DMD: variants seen among roughly 807,000 people sequenced by gnomAD.
DMD encodes the protein dystrophin.
Under a neutral mutation model 330.1 loss-of-function variants are expected in DMD, and 63 were observed. The observed-to-expected ratio is 0.19, with a 90% CI of 0.16 to 0.24. The LOEUF is 0.24. Ranked by LOEUF, DMD falls within the 10% of genes least tolerant of loss-of-function variation. The probability of loss-of-function intolerance (pLI) is 1.00; values close to 1 mark genes in which losing one functional copy is unlikely to be tolerated. For synonymous variants in DMD, 1,223 were observed against 959.8 expected, an observed-to-expected ratio of 1.27 and a Z score of -5.07; for missense variants, 3,344 against 2,684.1, an observed-to-expected ratio of 1.25 and a Z score of -5.43.
At chrX:32,356,699 G>T (rs2097802219) in intron 37 of DMD, among the ~76,000 whole-genome samples, 1 of 111,087 alleles carries the variant, frequency 9.0e-6, no homozygotes, top group Admixed American at 9.6e-5. Context: ...GAACAGTGAA[G>T]TATATCTAAA....
chrX:32,363,079 A>G, intron 36 of DMD, 121 bp from the exon 37 acceptor site: 1 of 692,479 alleles, frequency 1.4e-6, no homozygotes, highest in South Asian at 2.5e-5. Flanking sequence ...AGAGAGAGAG[A>G]GAAAGTAAGA....
chrX:33,128,328 A>C, intron 1 of DMD: 1 of 1,028,836 alleles, frequency 9.7e-7, no homozygotes. Flanking sequence ...GACCAGCCTC[A>C]CAAAAGCAGA....
intron 7 of DMD, among the ~76,000 whole-genome samples, chrX:32,702,237 T>C (rs1173047533): frequency 1.8e-5 from 2 of 112,180 alleles, no homozygotes; most frequent in African/African-American, 6.5e-5. Flanking sequence ...GTTCCTCTAA[T>C]TGGCACAACC....
chrX:32,277,501 A>G (rs1166585147), intron 43 of DMD, among the ~76,000 whole-genome samples: 2 of 111,796 alleles, frequency 1.8e-5, no homozygotes, highest in Non-Finnish European at 3.8e-5. Context: ...ATTTAATTCA[A>G]TGAGTGTAGA....
chrX:32,047,281 T>C (rs2096070825), intron 44 of DMD, among the ~76,000 whole-genome samples: 1 of 111,577 alleles, frequency 9.0e-6, no homozygotes, highest in African/African-American at 3.2e-5. Flanking sequence ...TGGATATAGA[T>C]GATAAATAGA....
At chrX:32,780,706 A>T (rs1415270419) in intron 7 of DMD, among the ~76,000 whole-genome samples, 1 of 111,219 alleles carries the variant, frequency 9.0e-6, no homozygotes, top group Non-Finnish European at 1.9e-5. Flanking sequence ...TATCAGCTTG[A>T]TAACGTATCT....
intron 1 of DMD, among the ~76,000 whole-genome samples, chrX:33,153,964 A>C (rs1265009110): frequency 8.9e-6 from 1 of 112,708 alleles, no homozygotes; most frequent in African/African-American, 3.2e-5. Context: ...TGGCTAGTTT[A>C]TTTCTAAAGC....
At chrX:31,431,296 A>G (rs1019224741) in intron 60 of DMD, among the ~76,000 whole-genome samples, 10 of 112,231 alleles carry the variant, frequency 8.9e-5, no homozygotes, top group African/African-American at 3.2e-4. Context: ...GAGGAATGGA[A>G]TGCCAAAAGT....
chrX:32,965,800 T>A (rs1446615050), intron 2 of DMD, among the ~76,000 whole-genome samples: 2 of 111,985 alleles, frequency 1.8e-5, no homozygotes, highest in African/African-American at 6.5e-5. Context: ...AAATATGTCT[T>A]AAGTTATCCC....
intron 2 of DMD, among the ~76,000 whole-genome samples, chrX:32,953,695 T>C (rs2146961876): frequency 8.9e-6 from 1 of 112,402 alleles, no homozygotes; most frequent in East Asian, 2.8e-4. Flanking sequence ...AACAATTTTA[T>C]ATTGCCTTGA....
chrX:32,491,492 G>C lies in DMD; in HGVS notation c.2407C>G (p.Gln803Glu). Residue 803 changes from glutamine to glutamate, a missense_variant, in exon 20 of 79, where the codon CAA (glutamine) becomes GAA (glutamate). Transcript: ENST00000357033. The part of the protein sequence containing the change: ...NEGVNADSIK[Q>E]ASEQLNSRWI... ...CGGCTGTTCAGTTGTTCTGAGGCTT[G>C]TTTGATGCTATCTGCATTAACACCC... The C allele has an allele frequency of 2.5e-6, 3 of 1,210,333 alleles. No homozygotes were observed. The highest frequency in any genetic ancestry group is 3.5e-5 in the South Asian group (2 of 56,865).
intron 1 of DMD, among the ~76,000 whole-genome samples, chrX:33,338,489 A>AAAT (rs1267220514): frequency 9.1e-6 from 1 of 110,228 alleles, no homozygotes; most frequent in Non-Finnish European, 1.9e-5. Flanking sequence ...ATAAATAAAT[A>AAAT]AATAAATGCT....
intron 2 of DMD, among the ~76,000 whole-genome samples, chrX:32,901,797 A>C (rs1358447758): frequency 9.0e-6 from 1 of 110,724 alleles, no homozygotes. Flanking sequence ...GAACATGTGT[A>C]AAGCAAGGGG....
At chrX:32,506,818 A>G (rs1376070029) in intron 18 of DMD, among the ~76,000 whole-genome samples, 2 of 112,032 alleles carry the variant, frequency 1.8e-5, no homozygotes, top group African/African-American at 6.5e-5. Context: ...CAAAGACAGT[A>G]TTGAATTGTT....
intron 52 of DMD, among the ~76,000 whole-genome samples, chrX:31,724,749 A>G (rs1216033449): frequency 8.9e-6 from 1 of 112,022 alleles, no homozygotes; most frequent in Non-Finnish European, 1.9e-5. Context: ...TATGTGCCAC[A>G]TATTTACTTT....
chrX:32,955,816 T>C (rs1183824061), intron 2 of DMD, among the ~76,000 whole-genome samples: 1 of 111,949 alleles, frequency 8.9e-6, no homozygotes, highest in Non-Finnish European at 1.9e-5. Flanking sequence ...ATTGCTTGTT[T>C]TTGTCAGCTT....
intron 9 of DMD, among the ~76,000 whole-genome samples, chrX:32,656,294 T>C (rs1227758300): frequency 1.8e-5 from 2 of 111,817 alleles, no homozygotes; most frequent in East Asian, 5.7e-4. Flanking sequence ...CAACCGTGAC[T>C]ACGAAGACAG....
In DMD at chrX:31,729,719, A is replaced by C; in HGVS notation, c.7572T>G (p.Arg2524=). 8.3e-7 allele frequency: 1 copy of C among 1,210,927 alleles called. No individual in the cohort carries two copies. Among genetic ancestry groups the C allele is most frequent in the South Asian group, 1.8e-5 (1 of 56,953 alleles). ...CGGTAATGAGTTCTTCCAACTGGGG[A>C]CGCCTCTGTTCCAAATCCTGCATTG... ...KATMQDLEQR[R]PQLEELITAA... The change falls in exon 52 of 79, where the codon CGT becomes CGG. Residue 2524 remains arginine, a synonymous_variant. Coordinates refer to ENST00000357033, the MANE Select transcript of DMD (RefSeq NM_004006.3).
rs779952308 is a variant in DMD, at chrX:32,738,867, C to T, written c.650-39574G>A. On this transcript the variant is annotated intron_variant, in intron 7 of 78. Coordinates refer to ENST00000357033, the MANE Select transcript of DMD (RefSeq NM_004006.3). Reference sequence around the variant, plus strand: ...TTCAAAAGGAGAGGTGTGAAATTCACTCTGAAATTCAATTAGAATATAATT... The same window carrying T: ...TTCAAAAGGAGAGGTGTGAAATTCATTCTGAAATTCAATTAGAATATAATT... 2.0e-3 allele frequency among the ~76,000 whole-genome samples: 223 copies of T among 111,575 alleles called. 1 individual carries two copies. The highest frequency in any genetic ancestry group is 7.0e-3 in the African/African-American group (214 of 30,776).
Sources: gnomAD v4.1 joint callset for allele counts (sites outside exome capture counted in the v4.1 genomes callset) on GRCh38, gnomAD v4.1.1 for gene constraint, MANE v1.5 for transcripts, NCBI Gene and HGNC (gene_info 2026-07-23, HGNC 2026-07-21) for gene names.